PEDS1: variants seen among roughly 807,000 people sequenced by gnomAD.
PEDS1 encodes the protein CarF homolog.
A neutral mutation model predicts 35.2 loss-of-function variants in PEDS1; 14 were observed. The ratio of observed to expected loss-of-function variants is 0.40; its 90% CI spans 0.26 to 0.62. The LOEUF (loss-of-function observed/expected upper bound fraction) is 0.62, where lower values mean the gene tolerates loss of function less well. Among genes scored for constraint, PEDS1 ranks in the 20% least tolerant of loss-of-function variants. The probability of loss-of-function intolerance (pLI) is 0.44; values close to 1 mark genes in which losing one functional copy is unlikely to be tolerated. For synonymous variants in PEDS1, 152 were observed against 152.0 expected (o/e 1.00, Z 0.00); for missense variants, 260 against 367.8 (o/e 0.71, Z 2.40).
rs567555199 is a variant in PEDS1, at chr20:50,123,693, C to G, written c.*1365G>C. 6.6e-6 allele frequency: 1 copy of G among 152,398 alleles called. No individual in the cohort carries two copies. The highest frequency in any genetic ancestry group is 2.4e-5 in the African/African-American group (1 of 41,576). The allele number at this position is 152,398 out of a possible 1,614,324, so 9.4% of individuals were successfully genotyped here. On this transcript the variant is annotated 3_prime_UTR_variant, in exon 6 of 6. Coordinates refer to ENST00000371652, the MANE Select transcript of PEDS1 (RefSeq NM_199129.4). ...AGCTCAGAGGCCCTTCATGACCACC[C>G]TGCCAAAGCAGCACCGACCCTGCTT...
chr20:50,121,789 T>G lies in PEDS1; in HGVS notation c.*3269A>C, dbSNP rs535826000. The G allele has an allele frequency of 2.0e-5, 3 of 152,136 alleles. No homozygotes were observed. The highest frequency in any genetic ancestry group is 1.9e-4 in the East Asian group (1 of 5,190). The allele number at this position is 152,136 out of a possible 1,614,324, so 9.4% of individuals were successfully genotyped here. ...TACCTCTCTGGACTCAGGCTGAGGG[T>G]TTTTTTTCTGTCGGCTCCAGGGGAA... On this transcript the variant is annotated 3_prime_UTR_variant, in exon 6 of 6. Transcript: ENST00000371652.
chr20:50,131,978 C>G (rs1019124651), intron 2 of PEDS1, among the ~76,000 whole-genome samples: 1 of 152,022 alleles, frequency 6.6e-6, no homozygotes, highest in African/African-American at 2.4e-5. Context: ...CCGAGGTGGG[C>G]GGATCACCTG....
chr20:50,139,411 C>T (rs1390626086), intron 2 of PEDS1, among the ~76,000 whole-genome samples: 1 of 152,088 alleles, frequency 6.6e-6, no homozygotes, highest in African/African-American at 2.4e-5. Context: ...TTACTGGCCA[C>T]CTTGCTGGTC....
intron 1 of PEDS1, 150 bp downstream of exon 1, chr20:50,153,367 T>C: frequency 1.7e-6 from 2 of 1,188,912 alleles, no homozygotes; most frequent in Non-Finnish European, 2.1e-6. Context: ...GAAGGGACAC[T>C]GGGGTGGGGT....
At chr20:50,141,511 G>A (rs2081291284) in intron 2 of PEDS1, among the ~76,000 whole-genome samples, 1 of 152,226 alleles carries the variant, frequency 6.6e-6, no homozygotes. Flanking sequence ...GCCCTAGGAG[G>A]CAGGTACTGC....
intron 2 of PEDS1, 86 bp from the exon 3 acceptor site, chr20:50,131,033 C>G (rs1555883660): frequency 1.2e-6 from 2 of 1,606,370 alleles, no homozygotes; most frequent in Non-Finnish European, 1.7e-6. Context: ...CCCGCTCATT[C>G]ATTTGTTAGG....
rs771873053 is a variant in PEDS1, at chr20:50,128,676, G to A, written c.479-489C>T. 6.6e-6 allele frequency among the ~76,000 whole-genome samples: 1 copy of A among 152,204 alleles called. No homozygotes were observed. The highest frequency in any genetic ancestry group is 6.5e-5 in the Admixed American group (1 of 15,288). ...GGGAGGGAAGCAAGACACGGCAGGG[G>A]AAGAGCAGAGCAAAGATGGGGTGGG... On this transcript the variant is annotated intron_variant, in intron 4 of 5. Transcript: ENST00000371652. This position sits in a 1 kb window ranked among gnomAD's most constrained non-coding sequence, Gnocchi z 5.2.
rs919955709 is a variant in PEDS1, at chr20:50,128,840, G to C, written c.479-653C>G. 1.1e-4 allele frequency among the ~76,000 whole-genome samples: 16 copies of C among 152,218 alleles called. No homozygotes were observed. The highest frequency in any genetic ancestry group is 3.9e-4 in the African/African-American group (16 of 41,458). On this transcript the variant is annotated intron_variant, in intron 4 of 5. Coordinates refer to ENST00000371652, the MANE Select transcript of PEDS1 (RefSeq NM_199129.4). The surrounding 1 kb of genome is among the most constrained non-coding windows in gnomAD (Gnocchi z 5.2). Reference sequence around the variant, plus strand: ...CTCCAGCCTTATCCCAAGGAGACAGGTGGGACCTCCCCTCCATCCCTGGAG... The same window carrying C: ...CTCCAGCCTTATCCCAAGGAGACAGCTGGGACCTCCCCTCCATCCCTGGAG...
In PEDS1 at chr20:50,126,525, C is replaced by A. The variant is rs190822172; in HGVS notation, c.692-1346G>T. On this transcript the variant is annotated intron_variant, in intron 5 of 5. Coordinates refer to ENST00000371652, the MANE Select transcript of PEDS1 (RefSeq NM_199129.4). ...AATAGTAGCTGTAATTTATCAAGTA[C>A]CTACTATATGCCAAACACCGCATTT... is the stretch of plus-strand genomic sequence containing the variant. Among the ~76,000 whole-genome samples the A allele has an allele frequency of 3.9e-5, 6 of 152,290 alleles. No homozygotes were observed. In the East Asian group the frequency reaches 9.6e-4, roughly 24 times the overall value.
intron 2 of PEDS1, among the ~76,000 whole-genome samples, chr20:50,134,970 G>A (rs1036173230): frequency 3.9e-5 from 6 of 151,956 alleles, no homozygotes; most frequent in African/African-American, 1.5e-4. Flanking sequence ...ACCACTGGAG[G>A]TCAGGAGTTT....
intron 2 of PEDS1, among the ~76,000 whole-genome samples, chr20:50,140,907 G>C (rs2081285792): frequency 6.6e-6 from 1 of 152,206 alleles, no homozygotes; most frequent in African/African-American, 2.4e-5. Flanking sequence ...ACCATTATCA[G>C]GGGATTGTCT....
At chr20:50,143,701 CTTTTT>C in intron 1 of PEDS1, 80 bp from the exon 2 acceptor site, 2 of 1,305,366 alleles carry the variant, frequency 1.5e-6, no homozygotes, top group Non-Finnish European at 2.1e-6. Flanking sequence ...CTTTTCTTTT[CTTTTT>C]TTTTTTTCTG....
rs897502933 is a variant in PEDS1, at chr20:50,153,698, A to G, written c.-61T>C. On this transcript the variant is annotated 5_prime_UTR_variant, in exon 1 of 6. Transcript: ENST00000371652. ...GCGGCGGCGGCGGCAGGGCCGCGGA[A>G]CCGCGGCGAGATCACGCCGCCCAAT... 8.5e-7 allele frequency: 1 copy of G among 1,177,950 alleles called. No homozygotes were observed. The allele number at this position is 1,177,950 out of a possible 1,614,324, so 73.0% of individuals were successfully genotyped here. A position where few individuals can be genotyped will look rare whatever the true frequency, so the allele number is the denominator to read the frequency against.
At chr20:50,152,927 G>T (rs1302468458) in intron 1 of PEDS1, among the ~76,000 whole-genome samples, 2 of 152,022 alleles carry the variant, frequency 1.3e-5, no homozygotes, top group African/African-American at 4.8e-5. Context: ...GGGGAAGGGT[G>T]TGGGGGGTAC....
In PEDS1 at chr20:50,128,206, G is replaced by C; in HGVS notation, c.479-19C>G. On this transcript the variant is annotated intron_variant, in intron 4 of 5. Transcript: ENST00000371652. The surrounding 1 kb of genome is among the most constrained non-coding windows in gnomAD (Gnocchi z 5.2). ...AGGGCTTCTGCAGGTTGGGGAGAGG[G>C]GGGGCCGGCACAGCTGTCACTCGGG... 6.2e-7 allele frequency: 1 copy of C among 1,613,338 alleles called. No homozygotes were observed. The highest frequency in any genetic ancestry group is 2.2e-5 in the East Asian group (1 of 44,846).
At position 50,124,866 on chromosome 20, in the gene PEDS1, A is replaced by C; in HGVS notation, c.*192T>G. 1 of 713,724 alleles carries C rather than the reference A, an allele frequency of 1.4e-6. No homozygotes were observed. 44.2% of individuals were successfully genotyped at this position (713,724 alleles called of 1,614,324 possible). On this transcript the variant is annotated 3_prime_UTR_variant, in exon 6 of 6. Coordinates refer to ENST00000371652, the MANE Select transcript of PEDS1 (RefSeq NM_199129.4). ...GGTGGCTGAGGAGGGGCCGAGGAAA[A>C]AAAAAAAAAAGAAATGAAAAATCAG...
At position 50,153,665 on chromosome 20, in the gene PEDS1, C is replaced by G. The variant is rs535082884; in HGVS notation, c.-28G>C. The stretch of plus-strand genomic sequence containing the variant: ...CCACTCGCCCGATCGGCCCGGTGCG[C>G]TCTGCTGGCGGCGGCGGCGGCAGGG... On this transcript the variant is annotated 5_prime_UTR_variant, in exon 1 of 6. Coordinates refer to ENST00000371652, the MANE Select transcript of PEDS1 (RefSeq NM_199129.4). 9.3e-5 allele frequency: 113 copies of G among 1,219,894 alleles called. No homozygotes were observed. The East Asian group carries it at 2.5e-3, about 27-fold the overall frequency. 75.6% of individuals were successfully genotyped at this position (1,219,894 alleles called of 1,614,324 possible).
chr20:50,142,693 C>CG lies in PEDS1; in HGVS notation c.241+808_241+809insC, dbSNP rs1049032499. 7.8e-5 allele frequency among the ~76,000 whole-genome samples: 8 copies of CG among 102,886 alleles called. 1 individual carries two copies. Among genetic ancestry groups the CG allele is most frequent in the East Asian group, 6.0e-4 (2 of 3,354 alleles). 67.5% of individuals were successfully genotyped at this position (102,886 alleles called of 152,430 possible). A position where few individuals can be genotyped will look rare whatever the true frequency, so the allele number is the denominator to read the frequency against. ...ACCTCAAGTCATCCGCCCCCCCCCC[C>CG]CCGCCCCAACGGCCTCCCACAGTGC... On this transcript the variant is annotated intron_variant, in intron 2 of 5. Transcript: ENST00000371652.
chr20:50,148,044 C>T (rs571057976), intron 1 of PEDS1, among the ~76,000 whole-genome samples: 37 of 152,258 alleles, frequency 2.4e-4, no homozygotes, highest in African/African-American at 8.7e-4. Flanking sequence ...GAGCCGAGAT[C>T]GTGCCACTGT....
Sources: allele counts gnomAD v4.1 joint callset (sites outside exome capture counted in the v4.1 genomes callset), GRCh38; gene constraint gnomAD v4.1.1; non-coding constraint Gnocchi (gnomAD v3.1); transcripts MANE v1.5; gene names NCBI Gene and HGNC (gene_info 2026-07-23, HGNC 2026-07-21).